BAG4: variants seen among roughly 807,000 people sequenced by gnomAD.
BAG4 encodes the protein BAG cochaperone 4.
Under a neutral mutation model 52.1 loss-of-function variants are expected in BAG4, and 28 were observed. The observed-to-expected ratio is 0.54, with a 90% CI of 0.40 to 0.74. The LOEUF (loss-of-function observed/expected upper bound fraction) is 0.74. Among genes scored for constraint, BAG4 ranks in the 30% least tolerant of loss-of-function variants. The pLI, the probability that BAG4 is intolerant of heterozygous loss-of-function variation, is 0.00. For missense variants in BAG4, 525 were observed against 572.0 expected, an observed-to-expected ratio of 0.92 and a Z score of 0.84; for synonymous variants, 208 against 217.0, an observed-to-expected ratio of 0.96 and a Z score of 0.37.
At chr8:38,194,390 T>C (rs531572251) in intron 2 of BAG4, among the ~76,000 whole-genome samples, 48 of 151,460 alleles carry the variant, frequency 3.2e-4, no homozygotes, top group Non-Finnish European at 6.6e-4. Context: ...GGTCTGGAAT[T>C]TTTGGGTTTA....
At chr8:38,201,260 T>G (rs78991904) in intron 2 of BAG4, among the ~76,000 whole-genome samples, 8 of 152,326 alleles carry the variant, frequency 5.3e-5, no homozygotes, top group Non-Finnish European at 1.2e-4. Flanking sequence ...GGTGAGCACA[T>G]GTGTATTTTC....
chr8:38,185,412 G>T (rs762951233), intron 1 of BAG4, among the ~76,000 whole-genome samples: 2 of 152,048 alleles, frequency 1.3e-5, no homozygotes, highest in Non-Finnish European at 2.9e-5. Context: ...TATAAAATAA[G>T]TTCAAAATAA....
chr8:38,178,926 G>A (rs1415405443), intron 1 of BAG4, among the ~76,000 whole-genome samples: 1 of 152,038 alleles, frequency 6.6e-6, no homozygotes, highest in East Asian at 1.9e-4. Context: ...CTTGAGTCCA[G>A]GAGTTCGAGA....
chr8:38,210,429 C>T lies in BAG4; in HGVS notation c.1310C>T (p.Ala437Val). The change falls in exon 5 of 5, where the codon GCC becomes GTC. Residue 437 changes from alanine (A) to valine (V), a missense_variant. Around this residue, in one of 2 missense-constraint regions of BAG4, gnomAD observed 238 missense variants for 305.8 expected, o/e 0.78. Coordinates refer to ENST00000287322, the MANE Select transcript of BAG4 (RefSeq NM_004874.4). ...GGGGGCCAGGACTCTGTACGGCAGG[C>T]CAGAAAAGAGGCTGTTTGTAAGATT... ...ETGGQDSVRQ[A>V]RKEAVCKIQA... The T allele has an allele frequency of 6.2e-7, 1 of 1,602,750 alleles. No homozygotes were observed. The highest frequency in any genetic ancestry group is 8.5e-7 in the Non-Finnish European group (1 of 1,177,182).
intron 1 of BAG4, among the ~76,000 whole-genome samples, chr8:38,181,915 A>AAAAAAAAG (rs1554506184): frequency 7.4e-6 from 1 of 134,632 alleles, no homozygotes. Context: ...AAAAAAAAAA[A>AAAAAAAAG]AGGAAGTAAG....
intron 1 of BAG4, among the ~76,000 whole-genome samples, chr8:38,180,521 T>TTAAAAAAAAAAA (rs1803245012): frequency 2.8e-5 from 1 of 35,144 alleles, no homozygotes; most frequent in Non-Finnish European, 4.9e-5. Context: ...AGACTCCGTC[T>TTAAAAAAAAAAA]CAAAAAAAAA....
intron 2 of BAG4, among the ~76,000 whole-genome samples, chr8:38,195,090 G>A (rs1260566506): frequency 2.0e-5 from 3 of 151,602 alleles, no homozygotes; most frequent in Admixed American, 6.6e-5. Flanking sequence ...TCCTGACCTC[G>A]TGATCCACCC....
intron 1 of BAG4, among the ~76,000 whole-genome samples, chr8:38,181,494 T>A: frequency 6.6e-6 from 1 of 151,964 alleles, no homozygotes; most frequent in Non-Finnish European, 1.5e-5. Context: ...CCCAGCACTT[T>A]GGGAGGCTGA....
chr8:38,180,063 A>C (rs55928150), intron 1 of BAG4, among the ~76,000 whole-genome samples: 31,726 of 152,122 alleles, frequency 0.21, 3,617 homozygotes, highest in East Asian at 0.31. Flanking sequence ...ATTTGTGCCC[A>C]CAGGGTGGGT....
Position 38,176,988 on chromosome 8 carries a change from G to T in BAG4, c.119G>T (p.Arg40Leu), listed in dbSNP as rs1300173973. 1 of 1,591,026 alleles carries T rather than the reference G, an allele frequency of 6.3e-7. No homozygotes were observed. Among genetic ancestry groups the T allele is most frequent in the Non-Finnish European group, 8.6e-7 (1 of 1,168,996 alleles). ...CCACCTCCACCCTTATATCCTCTTC[G>T]CCCTGAACCTCCCCAGCCTCCCATT... ...VHPPPPLYPL[R>L]PEPPQPPISW... The change falls in exon 1 of 5, where the codon CGC becomes CTC. Residue 40 changes from arginine to leucine, a missense_variant. By Grantham distance (102) the Arg-to-Leu change is moderately radical. This residue lies in a region of BAG4 where 287 missense variants were observed against 266.1 expected (regional missense o/e 1.08). Coordinates refer to ENST00000287322, the MANE Select transcript of BAG4 (RefSeq NM_004874.4).
intron 1 of BAG4, among the ~76,000 whole-genome samples, chr8:38,189,538 T>A (rs1803433396): frequency 6.6e-6 from 1 of 152,240 alleles, no homozygotes; most frequent in African/African-American, 2.4e-5. Flanking sequence ...TAGCTTATAA[T>A]GATAAACATT....
intron 1 of BAG4, among the ~76,000 whole-genome samples, chr8:38,188,671 ATACATGTATACATATATACATG>A (rs1803414695): frequency 1.4e-5 from 2 of 145,812 alleles, no homozygotes; most frequent in Non-Finnish European, 3.0e-5. Context: ...ATGTATACAT[ATACATGTATACATATATACATG>A]TATACATATA....
At chr8:38,193,875 A>G (rs899518134) in intron 2 of BAG4, among the ~76,000 whole-genome samples, 4 of 151,944 alleles carry the variant, frequency 2.6e-5, no homozygotes, top group African/African-American at 9.7e-5. Flanking sequence ...AGTAGCTGGG[A>G]CTACAGGCAT....
At chr8:38,203,444 A>C (rs1283289802) in intron 2 of BAG4, among the ~76,000 whole-genome samples, 2 of 151,740 alleles carry the variant, frequency 1.3e-5, no homozygotes, top group African/African-American at 4.8e-5. Flanking sequence ...CACCACGCCC[A>C]GCTAATTTTT....
Position 38,192,765 on chromosome 8 carries a change from A to G in BAG4, c.348A>G (p.Thr116=), listed in dbSNP as rs1168908226. Residue 116 remains threonine, a synonymous_variant, in exon 2 of 5, where the codon ACA becomes ACG. Transcript: ENST00000287322. ...GATCTAGGGCTCCTTACCCAAGTAC[A>G]TATCCTGTAAGACCAGAATTGCAAG... is the stretch of plus-strand genomic sequence containing the variant. ...TARSRAPYPS[T]YPVRPELQGQ... The G allele has an allele frequency of 6.2e-7, 1 of 1,612,192 alleles. No individual in the cohort carries two copies. Among genetic ancestry groups the G allele is most frequent in the East Asian group, 2.2e-5 (1 of 44,838 alleles).
intron 1 of BAG4, among the ~76,000 whole-genome samples, chr8:38,188,237 A>G (rs934800605): frequency 6.6e-6 from 1 of 152,070 alleles, no homozygotes; most frequent in Non-Finnish European, 1.5e-5. Context: ...AAAATAAAAC[A>G]TGTAAATCCA....
At chr8:38,186,846 C>T (rs1389188909) in intron 1 of BAG4, among the ~76,000 whole-genome samples, 1 of 152,190 alleles carries the variant, frequency 6.6e-6, no homozygotes, top group African/African-American at 2.4e-5. Flanking sequence ...TGTGGGCATA[C>T]CCAAGGCTGT....
Position 38,207,562 on chromosome 8 carries a change from C to T in BAG4, c.429C>T (p.Gly143=). The change falls in exon 3 of 5, where the codon GGC becomes GGT. Residue 143 remains glycine (G), a synonymous_variant. Transcript: ENST00000287322. ...NGAYGPTYPP[G]PGANTASYSG... ...CGTATGGTCCAACATACCCCCCAGG[C>T]CCTGGGGCAAATACTGCCTCATACT... is the stretch of plus-strand genomic sequence containing the variant. 3 of 1,613,690 alleles carry T rather than the reference C, an allele frequency of 1.9e-6. No individual in the cohort carries two copies. The South Asian group carries it at 3.3e-5, about 18-fold the overall frequency.
chr8:38,201,880 A>ATATATTTTT (rs1803683634), intron 2 of BAG4: 1 of 7,558 alleles, frequency 1.3e-4, no homozygotes, highest in African/African-American at 5.0e-4. Flanking sequence ...ATATATATAT[A>ATATATTTTT]TTTTTTTTTT....
Sources: allele counts gnomAD v4.1 joint callset (sites outside exome capture counted in the v4.1 genomes callset), GRCh38; gene constraint gnomAD v4.1.1; regional missense constraint gnomAD v4.1.1; transcripts MANE v1.5; gene names NCBI Gene and HGNC (gene_info 2026-07-23, HGNC 2026-07-21).